The following STARD13 variants were observed in gnomAD, a reference collection of about 807,000 sequenced individuals.
STARD13 encodes StAR related lipid transfer domain containing 13, also known as stAR-related lipid transfer protein 13.
In STARD13, 62 loss-of-function variants were observed where a neutral mutation model predicts 106.4. The observed-to-expected ratio is 0.58, with a 90% CI of 0.48 to 0.72. STARD13 has a LOEUF of 0.72. Among genes scored for constraint, STARD13 ranks in the 30% least tolerant of loss-of-function variants. The pLI is 0.00. For missense variants in STARD13, 1,387 were observed against 1,424.0 expected (o/e 0.97, Z 0.42); for synonymous variants, 565 against 553.0 (o/e 1.02, Z -0.31).
At chr13:33,476,460 T>C in the STARD13 span, among the ~76,000 whole-genome samples, 1 of 152,238 alleles carries the variant, frequency 6.6e-6, no homozygotes, top group African/African-American at 2.4e-5. Context: ...GCACTTGTTC[T>C]TACTTTGTCC....
intron 12 of STARD13, among the ~76,000 whole-genome samples, chr13:33,109,069 G>A (rs1318741488): frequency 3.3e-5 from 5 of 152,144 alleles, no homozygotes; most frequent in South Asian, 2.1e-4. Context: ...TAAAGAAAGC[G>A]TTTTAAATAT....
At chr13:33,136,445 C>G (rs986819220) in intron 4 of STARD13, among the ~76,000 whole-genome samples, 4 of 152,372 alleles carry the variant, frequency 2.6e-5, no homozygotes, top group Admixed American at 2.0e-4. Context: ...GGCTGAAAGT[C>G]AAGCTACAAA....
chr13:33,667,213 A>G, the STARD13 span, among the ~76,000 whole-genome samples: 1 of 152,358 alleles, frequency 6.6e-6, no homozygotes, highest in South Asian at 2.1e-4. Context: ...GATGATATGG[A>G]AAGGAGAGTT....
In STARD13 at chr13:33,130,052, G is replaced by T; in HGVS notation, c.625C>A (p.Arg209Ser). 2 of 1,613,710 alleles carry T rather than the reference G, an allele frequency of 1.2e-6. No homozygotes were observed. Among genetic ancestry groups the T allele is most frequent in the Non-Finnish European group, 1.7e-6 (2 of 1,179,934 alleles). Residue 209 changes from arginine to serine, a missense_variant, in exon 5 of 14, where the codon CGC becomes AGC. Transcript: ENST00000336934. This position sits in a 1 kb window ranked among gnomAD's most constrained non-coding sequence, Gnocchi z 4.1. ...GTACAGCACTGGCCCGGCTGGCTGCGACTGTCGCTGCCTCCACTGCTTTCG... is the reference window on the plus strand; with the variant it reads ...GTACAGCACTGGCCCGGCTGGCTGCTACTGTCGCTGCCTCCACTGCTTTCG... ...HSESSGGSDS[R>S]SQPGQCCTDN...
chr13:33,663,154 T>C, the STARD13 span, among the ~76,000 whole-genome samples: 1 of 152,182 alleles, frequency 6.6e-6, no homozygotes, highest in African/African-American at 2.4e-5. Context: ...GGTAAGAACA[T>C]GGCTCATTGC....
chr13:33,223,697 A>G (rs1359767337), intron 1 of STARD13, among the ~76,000 whole-genome samples: 1 of 152,018 alleles, frequency 6.6e-6, no homozygotes, highest in East Asian at 1.9e-4. Flanking sequence ...ATAGTAGTTA[A>G]AAGTGTGGGC....
chr13:33,644,440 GA>G, the STARD13 span, among the ~76,000 whole-genome samples: 3,842 of 152,244 alleles, frequency 0.025, 158 homozygotes, highest in African/African-American at 0.088. Context: ...CGAATGCCGG[GA>G]AAATGAATTG....
intron 1 of STARD13, among the ~76,000 whole-genome samples, chr13:33,171,115 T>C (rs1293893467): frequency 6.6e-6 from 1 of 152,230 alleles, no homozygotes; most frequent in Non-Finnish European, 1.5e-5. Context: ...AAAAACTCTT[T>C]TTTATTGTTC....
intron 1 of STARD13, among the ~76,000 whole-genome samples, chr13:33,300,745 T>C (rs1892677315): frequency 6.6e-6 from 1 of 152,232 alleles, no homozygotes; most frequent in African/African-American, 2.4e-5. Flanking sequence ...CCCTTCATTT[T>C]ATTGATTATG....
chr13:33,345,228 A>G (rs2078005406), downstream of STARD13, among the ~76,000 whole-genome samples: 1 of 152,244 alleles, frequency 6.6e-6, no homozygotes, highest in Non-Finnish European at 1.5e-5. Context: ...TCAAATCCCT[A>G]TAAGCCCATA....
chr13:33,598,890 T>G, the STARD13 span, among the ~76,000 whole-genome samples: 1 of 152,236 alleles, frequency 6.6e-6, no homozygotes, highest in Admixed American at 6.5e-5. Context: ...GACAGTAGGC[T>G]CTCCTTACAT....
chr13:33,140,766 CT>C (rs1231426601), intron 4 of STARD13, among the ~76,000 whole-genome samples: 132 of 142,810 alleles, frequency 9.2e-4, no homozygotes, highest in Admixed American at 9.6e-4. Flanking sequence ...TCTTTTCTTT[CT>C]TTTTTTTTTT....
the STARD13 span, among the ~76,000 whole-genome samples, chr13:33,670,748 C>T: frequency 6.6e-6 from 1 of 152,178 alleles, no homozygotes; most frequent in Non-Finnish European, 1.5e-5. Context: ...TCCCCTCCCC[C>T]GAGTTGCTTA....
At position 33,130,437 on chromosome 13, in the gene STARD13, G is replaced by A. The variant is rs1411773269; in HGVS notation, c.388-148C>T. On this transcript the variant is annotated intron_variant, in intron 4 of 13. Transcript: ENST00000336934. The surrounding 1 kb of genome is among the most constrained non-coding windows in gnomAD (Gnocchi z 4.1). The stretch of plus-strand genomic sequence containing the variant: ...GTGTGAGCTTCTTGGGCACCTCTAA[G>A]CTGTCCTTCTACCACTTGCACTGTC... 5.5e-6 allele frequency: 4 copies of A among 722,022 alleles called. No individual in the cohort carries two copies. The highest frequency in any genetic ancestry group is 9.0e-6 in the Non-Finnish European group (4 of 442,666). 44.7% of individuals were successfully genotyped at this position (722,022 alleles called of 1,614,324 possible).
the STARD13 span, among the ~76,000 whole-genome samples, chr13:33,638,750 G>C: frequency 6.6e-6 from 1 of 152,176 alleles, no homozygotes; most frequent in Non-Finnish European, 1.5e-5. Context: ...TTCGCAGTAC[G>C]TCCTGAACTA....
the STARD13 span, among the ~76,000 whole-genome samples, chr13:33,448,960 A>AGTTCCCTATATATTTT: frequency 2.0e-5 from 3 of 151,344 alleles, no homozygotes; most frequent in Non-Finnish European, 4.4e-5. Context: ...GAGTTGTTTC[A>AGTTCCCTATATATTTT]GTTCCCTATA....
intron 1 of STARD13, among the ~76,000 whole-genome samples, chr13:33,175,015 A>G (rs1884368030): frequency 1.3e-5 from 2 of 152,348 alleles, no homozygotes; most frequent in Admixed American, 6.5e-5. Context: ...CTCATCAGAA[A>G]TATATTTTCC....
chr13:33,413,731 A>C, the STARD13 span, among the ~76,000 whole-genome samples: 7 of 152,174 alleles, frequency 4.6e-5, no homozygotes, highest in Non-Finnish European at 1.0e-4. Context: ...GGATGTACAG[A>C]AAGAAAATAA....
rs1318657819 is a variant in STARD13 at position 33,327,083 on chromosome 13, C to T, written c.124+23207G>A. On this transcript the variant is annotated intron_variant, in intron 1 of 5. Coordinates refer to the STARD13 transcript ENST00000567873. ...CACTCAAAAAGCTGTATTTTAATTT[C>T]CCTTGAGAAAAATGGTGCACCTAAG... Among the ~76,000 whole-genome samples, 3 of 152,170 alleles carry T rather than the reference C, an allele frequency of 2.0e-5. No homozygotes were observed. In the East Asian group the frequency reaches 5.8e-4, roughly 29 times the overall value.
Sources: allele counts gnomAD v4.1 joint callset (sites outside exome capture counted in the v4.1 genomes callset), GRCh38; gene constraint gnomAD v4.1.1; non-coding constraint Gnocchi (gnomAD v3.1); transcripts MANE v1.5; gene names NCBI Gene and HGNC (gene_info 2026-07-23, HGNC 2026-07-21).